Variants in GLYCTK observed in about 807,000 individuals in gnomAD.
GLYCTK encodes HBeAg binding protein 4.
A neutral mutation model predicts 24.8 loss-of-function variants in GLYCTK; 22 were observed. That is an observed-to-expected ratio of 0.89 (90% CI 0.63 to 1.27). The LOEUF (loss-of-function observed/expected upper bound fraction) is 1.27. Among genes scored for constraint, GLYCTK ranks in the 50% most tolerant of loss-of-function variants. The probability of loss-of-function intolerance (pLI) is 0.00; values close to 1 mark genes in which losing one functional copy is unlikely to be tolerated. For missense variants in GLYCTK, 684 were observed against 686.7 expected (o/e 1.00, Z 0.04); for synonymous variants, 320 against 297.2 (o/e 1.08, Z -0.79).
In GLYCTK at chr3:52,293,040, C is replaced by T. The variant is rs372098626; in HGVS notation, c.1486C>T (p.Leu496Phe). The change falls in exon 5 of 5, where the codon CTC (leucine) becomes TTC (phenylalanine). Residue 496 changes from leucine to phenylalanine, a missense_variant. Transcript: ENST00000436784. Reference sequence around the variant, plus strand: ...TGACTCACATACCTTCTTCTGCTGCCTCCAGGGTGGGGCACACCTGCTGCA... The same window carrying T: ...TGACTCACATACCTTCTTCTGCTGCTTCCAGGGTGGGGCACACCTGCTGCA... ...HNDSHTFFCC[L>F]QGGAHLLHTG... 5 of 1,614,060 alleles carry T rather than the reference C, an allele frequency of 3.1e-6. No homozygotes were observed. The highest frequency in any genetic ancestry group is 4.2e-6 in the Non-Finnish European group (5 of 1,180,052).
chr3:52,295,068 C>G lies in GLYCTK; in HGVS notation c.*1942C>G. 4.4e-6 allele frequency: 2 copies of G among 454,078 alleles called. No homozygotes were observed. Among genetic ancestry groups the G allele is most frequent in the South Asian group, 3.1e-5 (2 of 64,478 alleles). 28.1% of individuals were successfully genotyped at this position (454,078 alleles called of 1,614,324 possible). A position where few individuals can be genotyped will look rare whatever the true frequency, so the allele number is the denominator to read the frequency against. ...GTTTGTAGGGGCTGGGAGGCCAGGG[C>G]CCGGATTGGACCCCATAGGGCCAAA... On this transcript the variant is annotated 3_prime_UTR_variant, in exon 5 of 5. Coordinates refer to ENST00000436784, the MANE Select transcript of GLYCTK (RefSeq NM_145262.4).
chr3:52,287,956 G>C, intron 1 of GLYCTK, 80 bp downstream of exon 1: 1 of 387,436 alleles, frequency 2.6e-6, no homozygotes, highest in Non-Finnish European at 5.4e-6. Context: ...GGTGGCAGCA[G>C]GCCCTTCTTT....
At chr3:52,291,509 T>C in intron 3 of GLYCTK, 2 of 590,992 alleles carry the variant, frequency 3.4e-6, no homozygotes, top group South Asian at 2.0e-5. Flanking sequence ...CCTCCTGTTC[T>C]AGTCTCTTAA....
chr3:52,289,633 C>T (rs1483873336), intron 1 of GLYCTK, among the ~76,000 whole-genome samples: 2 of 152,236 alleles, frequency 1.3e-5, no homozygotes, highest in African/African-American at 4.8e-5. Flanking sequence ...GCCCTCACTC[C>T]TGATTTGAAC....
rs1211754289 is a variant in GLYCTK at position 52,287,853 on chromosome 3, C to G, written c.-63C>G. The G allele has an allele frequency of 2.2e-6, 1 of 452,760 alleles. No individual in the cohort carries two copies. Among genetic ancestry groups the G allele is most frequent in the South Asian group, 1.6e-5 (1 of 64,416 alleles). 28.0% of individuals were successfully genotyped at this position (452,760 alleles called of 1,614,324 possible). A position where few individuals can be genotyped will look rare whatever the true frequency, so the allele number is the denominator to read the frequency against. The stretch of plus-strand genomic sequence containing the variant: ...AGTACTTCCGTTCTCCAGCGCTGGG[C>G]ACCGCGGCCGGAGCTGTGGGCTGGT... On this transcript the variant is annotated 5_prime_UTR_variant, in exon 1 of 5. Coordinates refer to ENST00000436784, the MANE Select transcript of GLYCTK (RefSeq NM_145262.4).
chr3:52,290,480 A>G lies in GLYCTK; in HGVS notation c.138A>G (p.Val46=). 1 of 1,613,230 alleles carries G rather than the reference A, an allele frequency of 6.2e-7. No individual in the cohort carries two copies. Among genetic ancestry groups the G allele is most frequent in the Non-Finnish European group, 8.5e-7 (1 of 1,180,016 alleles). Residue 46 remains valine, a synonymous_variant, in exon 2 of 5, where the codon GTA becomes GTG. Coordinates refer to ENST00000436784, the MANE Select transcript of GLYCTK (RefSeq NM_145262.4). Reference sequence around the variant, plus strand: ...CCAGGCAGCTGTTTGAGAGTGCTGTAGGTGCAGTGCTGCCGGGCCCCATGC... The same window carrying G: ...CCAGGCAGCTGTTTGAGAGTGCTGTGGGTGCAGTGCTGCCGGGCCCCATGC... The part of the protein sequence containing the change: ...EQARQLFESA[V]GAVLPGPMLH...
chr3:52,291,468 C>T, intron 3 of GLYCTK: 1 of 582,518 alleles, frequency 1.7e-6, no homozygotes, highest in Non-Finnish European at 3.1e-6. Flanking sequence ...GAGTCCTCTC[C>T]TTGATCTTCC....
At chr3:52,291,682 C>T (rs1700473865) in intron 3 of GLYCTK, 65 bp from the exon 4 acceptor site, 1 of 1,505,926 alleles carries the variant, frequency 6.6e-7, no homozygotes, top group Non-Finnish European at 9.2e-7. Flanking sequence ...GGCTTGTCAC[C>T]CCTGCTTGCC....
chr3:52,294,839 C>T lies in GLYCTK; in HGVS notation c.*1713C>T, dbSNP rs563378576. 6.4e-5 allele frequency: 29 copies of T among 453,856 alleles called. No individual in the cohort carries two copies. Among genetic ancestry groups the T allele is most frequent in the Non-Finnish European group, 1.2e-4 (28 of 226,756 alleles). The allele number at this position is 453,856 out of a possible 1,614,324, so 28.1% of individuals were successfully genotyped here. A position where few individuals can be genotyped will look rare whatever the true frequency, so the allele number is the denominator to read the frequency against. On this transcript the variant is annotated 3_prime_UTR_variant, in exon 5 of 5. Coordinates refer to ENST00000436784, the MANE Select transcript of GLYCTK (RefSeq NM_145262.4). The stretch of plus-strand genomic sequence containing the variant: ...GAGCTGAGGGCCTGGCAGCCATGTC[C>T]CCAGTGTGTGTGTGGGTGGTAGGTG...
rs1559466389 is a variant in GLYCTK, at chr3:52,292,530, C to T, written c.976C>T (p.Leu326=). Residue 326 remains leucine (L), a synonymous_variant, in exon 5 of 5, where the codon CTG becomes TTG. Transcript: ENST00000436784. ...TGAGGCCCAGCGGCAGGCCGAGGCA[C>T]TGGGCTACCAGGCTGTGGTGCTGAG... ...LAEAQRQAEA[L]GYQAVVLSAA... 1 of 1,613,924 alleles carries T rather than the reference C, an allele frequency of 6.2e-7. No individual in the cohort carries two copies. The highest frequency in any genetic ancestry group is 8.5e-7 in the Non-Finnish European group (1 of 1,180,010).
At position 52,292,758 on chromosome 3, in the gene GLYCTK, G is replaced by T; in HGVS notation, c.1204G>T (p.Val402Phe). 8 of 1,608,160 alleles carry T rather than the reference G, an allele frequency of 5.0e-6. No individual in the cohort carries two copies. Among genetic ancestry groups the T allele is most frequent in the Non-Finnish European group, 5.9e-6 (7 of 1,176,916 alleles). ...LETMAWGRGP[V>F]CLLAGGEPTV... is the part of the protein sequence containing the mutation. The stretch of plus-strand genomic sequence containing the variant: ...GACCATGGCATGGGGAAGGGGCCCA[G>T]TCTGCCTGCTGGCTGGTGGCGAGCC... Residue 402 changes from valine to phenylalanine, a missense_variant, in exon 5 of 5, where the codon GTC (valine) becomes TTC (phenylalanine). Physicochemically the swap from Val to Phe is conservative, Grantham distance 50 (BLOSUM62 -1). Coordinates refer to ENST00000436784, the MANE Select transcript of GLYCTK (RefSeq NM_145262.4).
rs1700451127 is a variant in GLYCTK, at chr3:52,291,029, C to T, written c.447C>T (p.Arg149=). ...GTGCGGAGGACAACCTCCCGGACCG[C>T]GATGCGCTGCGGGCTGCACTGGCCA... ...FEGAEDNLPD[R]DALRAALAIQ... is the part of the protein sequence containing the mutation. The change falls in exon 3 of 5, where the codon CGC becomes CGT. Residue 149 remains arginine (R), a synonymous_variant. Transcript: ENST00000436784. The T allele has an allele frequency of 1.9e-6, 3 of 1,613,718 alleles. No homozygotes were observed. The highest frequency in any genetic ancestry group is 1.1e-5 in the South Asian group (1 of 91,088).
In GLYCTK at chr3:52,294,868, G is replaced by C; in HGVS notation, c.*1742G>C. The C allele has an allele frequency of 2.2e-6, 1 of 454,110 alleles. No homozygotes were observed. Among genetic ancestry groups the C allele is most frequent in the South Asian group, 1.6e-5 (1 of 64,476 alleles). 28.1% of individuals were successfully genotyped at this position (454,110 alleles called of 1,614,324 possible). A position where few individuals can be genotyped will look rare whatever the true frequency, so the allele number is the denominator to read the frequency against. Reference sequence around the variant, plus strand: ...GTGTGTGTGTGGGTGGTAGGTGTGTGAGTATACAGACGTTGGTGTTGGCGT... The same window carrying C: ...GTGTGTGTGTGGGTGGTAGGTGTGTCAGTATACAGACGTTGGTGTTGGCGT... On this transcript the variant is annotated 3_prime_UTR_variant, in exon 5 of 5. Coordinates refer to ENST00000436784, the MANE Select transcript of GLYCTK (RefSeq NM_145262.4).
chr3:52,292,288 T>C lies in GLYCTK; in HGVS notation c.734T>C (p.Val245Ala), dbSNP rs1700494417. ...QVVSLILSDV[V>A]GDPVEVIASG... ...GTGAGCCTCATCCTGTCAGATGTGG[T>C]GGGGGACCCTGTGGAGGTGATTGCC... The change falls in exon 5 of 5, where the codon GTG (valine) becomes GCG (alanine). Residue 245 changes from valine to alanine, a missense_variant. Physicochemically the swap from Val to Ala is moderately conservative, Grantham distance 64. Coordinates refer to ENST00000436784, the MANE Select transcript of GLYCTK (RefSeq NM_145262.4). 1 of 1,613,924 alleles carries C rather than the reference T, an allele frequency of 6.2e-7. No homozygotes were observed. Among genetic ancestry groups the C allele is most frequent in the East Asian group, 2.2e-5 (1 of 44,868 alleles).
chr3:52,294,237 C>A lies in GLYCTK; in HGVS notation c.*1111C>A, dbSNP rs201615303. ...CGCTGGCTGTCCCCGCCGTGCGCCA[C>A]GGCTCCAATCCCTATATGAGTGAGC... On this transcript the variant is annotated 3_prime_UTR_variant, in exon 5 of 5. Coordinates refer to ENST00000436784, the MANE Select transcript of GLYCTK (RefSeq NM_145262.4). 14 of 534,670 alleles carry A rather than the reference C, an allele frequency of 2.6e-5. No homozygotes were observed. The highest frequency in any genetic ancestry group is 5.4e-5 in the Non-Finnish European group (14 of 260,110). 33.1% of individuals were successfully genotyped at this position (534,670 alleles called of 1,614,324 possible).
rs774376060 is a variant in GLYCTK, at chr3:52,292,839, C to A, written c.1285C>A (p.Arg429Ser). 1.2e-6 allele frequency: 2 copies of A among 1,613,634 alleles called. No homozygotes were observed. Among genetic ancestry groups the A allele is most frequent in the East Asian group, 2.2e-5 (1 of 44,878 alleles). The change falls in exon 5 of 5, where the codon CGT (arginine) becomes AGT (serine). Residue 429 changes from arginine (R) to serine (S), a missense_variant. Coordinates refer to ENST00000436784, the MANE Select transcript of GLYCTK (RefSeq NM_145262.4). The part of the protein sequence containing the change: ...RGGRNQELAL[R>S]VGAELRRWPL... The stretch of plus-strand genomic sequence containing the variant: ...TGGCCGGAACCAGGAACTGGCCCTG[C>A]GTGTTGGAGCAGAGTTGAGAAGGTG...
Position 52,295,006 on chromosome 3 carries a change from T to TC in GLYCTK, c.*1885dup, listed in dbSNP as rs1414418121. 4.4e-6 allele frequency: 2 copies of TC among 453,976 alleles called. No homozygotes were observed. The highest frequency in any genetic ancestry group is 7.0e-5 in the East Asian group (1 of 14,374). 28.1% of individuals were successfully genotyped at this position (453,976 alleles called of 1,614,324 possible). A position where few individuals can be genotyped will look rare whatever the true frequency, so the allele number is the denominator to read the frequency against. On this transcript the variant is annotated 3_prime_UTR_variant, in exon 5 of 5. Transcript: ENST00000436784. ...GTATGGATAGGATCTTGCAGGAGGT[T>TC]CCCCCTGCTCTACATTGACCCCTTC...
chr3:52,290,945 C>T lies in GLYCTK; in HGVS notation c.378-15C>T. ...GTCCACCCCATCTCTTGCGTGCTGACCTTTCCCTCCCCAGGGAGATGCTGC... is the reference window on the plus strand; with the variant it reads ...GTCCACCCCATCTCTTGCGTGCTGATCTTTCCCTCCCCAGGGAGATGCTGC... On this transcript the variant is annotated splice_polypyrimidine_tract_variant and intron_variant, in intron 2 of 4. Coordinates refer to ENST00000436784, the MANE Select transcript of GLYCTK (RefSeq NM_145262.4). 1 of 1,614,008 alleles carries T rather than the reference C, an allele frequency of 6.2e-7. No individual in the cohort carries two copies. The highest frequency in any genetic ancestry group is 8.5e-7 in the Non-Finnish European group (1 of 1,180,008).
chr3:52,288,796 C>G (rs1373964174), intron 1 of GLYCTK: 1 of 152,036 alleles, frequency 6.6e-6, no homozygotes, highest in Non-Finnish European at 1.5e-5. Context: ...GCTTTTAGCT[C>G]CAAGTCCAAT....
Sources: gnomAD v4.1 joint callset for allele counts (sites outside exome capture counted in the v4.1 genomes callset) on GRCh38, gnomAD v4.1.1 for gene constraint, MANE v1.5 for transcripts, NCBI Gene and HGNC (gene_info 2026-07-23, HGNC 2026-07-21) for gene names.